The following RPL6 variants were observed in gnomAD, a reference collection of about 807,000 sequenced individuals.
The protein encoded by RPL6 is large ribosomal subunit protein eL6.
A neutral mutation model predicts 32.1 loss-of-function variants in RPL6; 1 was observed. That is an observed-to-expected ratio of 0.03 (90% CI 0.01 to 0.15). The LOEUF (loss-of-function observed/expected upper bound fraction) is 0.15. RPL6 is among the 10% of genes least tolerant of loss of function. The pLI is 1.00. For missense variants in RPL6, 275 were observed against 354.6 expected (o/e 0.78, Z 1.80); for synonymous variants, 126 against 131.6 (o/e 0.96, Z 0.29).
At chr12:112,416,133 A>ATTT (rs1168421826) in intron 1 of RPL6, among the ~76,000 whole-genome samples, 14 of 51,048 alleles carry the variant, frequency 2.7e-4, no homozygotes, top group Non-Finnish European at 3.7e-4. Flanking sequence ...TAAATTTTGT[A>ATTT]TTTTTTTTTT....
At chr12:112,411,594 A>T (rs2037342325), upstream of RPL6, among the ~76,000 whole-genome samples, 2 of 152,220 alleles carry the variant, frequency 1.3e-5, no homozygotes, top group South Asian at 2.1e-4. Context: ...TGAGATGCAC[A>T]GTTGCTTACG....
chr12:112,409,740 G>C (rs549603649), upstream of RPL6: 45 of 342,614 alleles, frequency 1.3e-4, no homozygotes, highest in African/African-American at 8.9e-4. Flanking sequence ...GCCGGGTGCG[G>C]TGGCTCACGC....
At chr12:112,417,349 C>T (rs952070314) in intron 1 of RPL6, among the ~76,000 whole-genome samples, 5 of 151,660 alleles carry the variant, frequency 3.3e-5, no homozygotes, top group Admixed American at 6.6e-5. Flanking sequence ...TGAGCCACCA[C>T]GCTCAGCTAG....
At chr12:112,408,688 C>T in intron 1 of RPL6, 32 bp from the exon 2 acceptor site, 2 of 1,526,052 alleles carry the variant, frequency 1.3e-6, no homozygotes, top group Non-Finnish European at 1.8e-6. Flanking sequence ...TAAAAAAAGG[C>T]ATTTCACCAG....
chr12:112,408,183 A>C (rs1489911129), intron 3 of RPL6, 57 bp downstream of exon 3: 22 of 1,283,862 alleles, frequency 1.7e-5, no homozygotes, highest in Non-Finnish European at 2.3e-5. Flanking sequence ...ATTCAAAAAC[A>C]TCTTCACAGT....
chr12:112,406,120 G>C, intron 5 of RPL6, 83 bp from the exon 6 acceptor site: 1 of 1,330,920 alleles, frequency 7.5e-7, no homozygotes, highest in Non-Finnish European at 1.1e-6. Flanking sequence ...TTGTTATGTT[G>C]CTACACAAAG....
At chr12:112,418,720 G>A (rs2037460900) in intron 1 of RPL6, 2 of 353,242 alleles carry the variant, frequency 5.7e-6, no homozygotes, top group Admixed American at 5.3e-5. Flanking sequence ...GGAGCGCGCA[G>A]CTCACACCTG....
upstream of RPL6, chr12:112,410,358 C>A: frequency 3.6e-6 from 1 of 279,690 alleles, no homozygotes; most frequent in South Asian, 4.3e-5. Flanking sequence ...TTGTACATGG[C>A]CTTTCTCATT....
intron 6 of RPL6, 87 bp downstream of exon 6, chr12:112,405,765 AT>A (rs2037142749): frequency 9.0e-7 from 1 of 1,108,050 alleles, no homozygotes; most frequent in African/African-American, 1.6e-5. Context: ...TTAACCTTTC[AT>A]TTTTCTTCTT....
At chr12:112,413,895 G>T (rs2037370336), upstream of RPL6, among the ~76,000 whole-genome samples, 2 of 151,332 alleles carry the variant, frequency 1.3e-5, no homozygotes, top group Admixed American at 1.3e-4. Context: ...CAATGACTTT[G>T]TCTTAAAAGG....
chr12:112,406,419 A>G, intron 4 of RPL6, 77 bp from the exon 5 acceptor site: 1 of 1,326,082 alleles, frequency 7.5e-7, no homozygotes, highest in South Asian at 1.2e-5. Flanking sequence ...ACAGGCATCT[A>G]AATTTGGGTA....
chr12:112,407,042 TG>T, intron 3 of RPL6, 152 bp from the exon 4 acceptor site: 1 of 764,482 alleles, frequency 1.3e-6, no homozygotes, highest in Non-Finnish European at 2.0e-6. Context: ...TAAGTAGACT[TG>T]GAAAAGGTCA....
At chr12:112,418,764 T>C (rs1032253135) in exon 1 of RPL6, 1 of 409,156 alleles carries the variant, frequency 2.4e-6, no homozygotes, top group African/African-American at 2.1e-5. Context: ...GCAAGGATGC[T>C]TTGGACACTG....
At chr12:112,409,303 TTCCTC>T in intron 1 of RPL6, 1 of 393,552 alleles carries the variant, frequency 2.5e-6, no homozygotes, top group East Asian at 3.6e-5. Flanking sequence ...GTCTCCCCGC[TTCCTC>T]TAACACCCAC....
rs2135796537 is a variant in RPL6, at chr12:112,406,904, A to G, written c.337-14T>C. ...ATAATATCTAGGCTGTGGAGAGTCC[A>G]TAGATCCAACTTATTTAAATAAGCC... On this transcript the variant is annotated splice_polypyrimidine_tract_variant and intron_variant, in intron 3 of 6. Coordinates refer to ENST00000202773, the MANE Select transcript of RPL6 (RefSeq NM_000970.6). 1.2e-6 allele frequency: 2 copies of G among 1,613,892 alleles called. No homozygotes were observed. The highest frequency in any genetic ancestry group is 1.3e-5 in the African/African-American group (1 of 75,050).
Position 112,406,063 on chromosome 12 carries a change from A to T in RPL6, c.530-26T>A, listed in dbSNP as rs758121540. On this transcript the variant is annotated intron_variant, in intron 5 of 6. Coordinates refer to ENST00000202773, the MANE Select transcript of RPL6 (RefSeq NM_000970.6). ...CTAAGGGGGAAAAATTAATTTAGCA[A>T]GGAAAAGGGGGAAGAATCATCATCC... The T allele has an allele frequency of 3.6e-5, 56 of 1,576,904 alleles. No individual in the cohort carries two copies. The highest frequency in any genetic ancestry group is 8.7e-7 in the Non-Finnish European group (1 of 1,154,746).
chr12:112,406,384 A>C (rs1193114819), intron 4 of RPL6, 42 bp from the exon 5 acceptor site: 13 of 1,540,470 alleles, frequency 8.4e-6, no homozygotes, highest in Non-Finnish European at 1.2e-5. Context: ...TGCAATTAAA[A>C]ACTGACTTCT....
At chr12:112,406,635 C>T in intron 4 of RPL6, 112 bp downstream of exon 4, 1 of 1,386,876 alleles carries the variant, frequency 7.2e-7, no homozygotes, top group Non-Finnish European at 9.7e-7. Flanking sequence ...GATCATTTCC[C>T]CTTGCCCCAA....
chr12:112,418,518 A>C (rs2135816056), intron 1 of RPL6: 1 of 210,572 alleles, frequency 4.7e-6, no homozygotes, highest in Admixed American at 5.9e-5. Flanking sequence ...TGTTGGGATT[A>C]CGGGCGTGAA....
Sources: allele counts gnomAD v4.1 joint callset (sites outside exome capture counted in the v4.1 genomes callset), GRCh38; gene constraint gnomAD v4.1.1; transcripts MANE v1.5; gene names NCBI Gene and HGNC (gene_info 2026-07-23, HGNC 2026-07-21).